Variants in CHD8 observed in about 807,000 individuals in gnomAD.
The protein encoded by CHD8 is ATP-dependent chromatin remodeler CHD8.
Under a neutral mutation model 279.2 loss-of-function variants are expected in CHD8, and 31 were observed. The observed-to-expected ratio is 0.11, with a 90% confidence interval of 0.08 to 0.15. The LOEUF (loss-of-function observed/expected upper bound fraction) is 0.15. Ranked by LOEUF, CHD8 falls within the 10% of genes least tolerant of loss-of-function variation. The pLI, the probability that CHD8 is intolerant of heterozygous loss-of-function variation, is 1.00. For missense variants in CHD8, 2,146 were observed against 3,230.5 expected, an observed-to-expected ratio of 0.66 and a Z score of 8.14; for synonymous variants, 1,081 against 1,139.6, an observed-to-expected ratio of 0.95 and a Z score of 1.04.
At chr14:21,413,221 T>C (rs973137302) in intron 9 of CHD8, among the ~76,000 whole-genome samples, 3 of 152,184 alleles carry the variant, frequency 2.0e-5, no homozygotes, top group Admixed American at 1.3e-4. Context: ...CTAACAGAGG[T>C]CCTTCTCTCC....
intron 11 of CHD8, 41 bp downstream of exon 11, chr14:21,409,810 T>A (rs756836934): frequency 3.2e-6 from 5 of 1,547,318 alleles, no homozygotes; most frequent in Non-Finnish European, 4.4e-6. Flanking sequence ...ATTTAATCAT[T>A]TCTTATGTAG....
intron 5 of CHD8, among the ~76,000 whole-genome samples, chr14:21,421,738 A>G (rs573749078): frequency 6.6e-6 from 1 of 152,242 alleles, no homozygotes; most frequent in South Asian, 2.1e-4. Context: ...CACCAAATCC[A>G]TATGTTGAAG....
At chr14:21,416,420 TA>T (rs1174769530) in intron 5 of CHD8, 2 of 152,304 alleles carry the variant, frequency 1.3e-5, no homozygotes, top group African/African-American at 4.8e-5. Flanking sequence ...GTGGCTGAAT[TA>T]AACATTTTCT....
chr14:21,436,736 A>T (rs1259418623), intron 1 of CHD8, among the ~76,000 whole-genome samples: 1 of 152,198 alleles, frequency 6.6e-6, no homozygotes, highest in Non-Finnish European at 1.5e-5. Context: ...GAAAAGCAAA[A>T]TAGGCAACTA....
chr14:21,391,237 A>G (rs557511820), intron 36 of CHD8, among the ~76,000 whole-genome samples, 174 bp from the exon 37 acceptor site: 2 of 152,378 alleles, frequency 1.3e-5, no homozygotes, highest in African/African-American at 2.4e-5. Flanking sequence ...GGTGGTTTAT[A>G]TAATAGTTCA....
intron 10 of CHD8, among the ~76,000 whole-genome samples, chr14:21,411,127 A>G (rs1001347537): frequency 1.5e-4 from 23 of 152,184 alleles, no homozygotes; most frequent in African/African-American, 5.3e-4. Context: ...CTAAAGGCCA[A>G]TTGCTTTTAG....
chr14:21,435,364 T>A (rs1889739039), intron 1 of CHD8, among the ~76,000 whole-genome samples: 1 of 152,194 alleles, frequency 6.6e-6, no homozygotes, highest in Non-Finnish European at 1.5e-5. Context: ...TCACTTCATC[T>A]CCTTCTTAAA....
At position 21,400,790 on chromosome 14, in the gene CHD8, C is replaced by T; in HGVS notation, c.4370+85G>A. On this transcript the variant is annotated intron_variant, in intron 22 of 37. Coordinates refer to ENST00000646647, the MANE Select transcript of CHD8 (RefSeq NM_001170629.2). This position sits in a 1 kb window ranked among gnomAD's most constrained non-coding sequence, Gnocchi z 4.2. ...CACATTATCCCTTCTTTGATCATAG[C>T]CCCCAATTTGAAAGGCAAACCAAGA... 1.4e-6 allele frequency: 2 copies of T among 1,386,582 alleles called. No individual in the cohort carries two copies. The highest frequency in any genetic ancestry group is 1.4e-5 in the South Asian group (1 of 71,650). The allele number at this position is 1,386,582 out of a possible 1,614,324, so 85.9% of individuals were successfully genotyped here.
intron 1 of CHD8, among the ~76,000 whole-genome samples, chr14:21,443,867 A>AC (rs1890048881): frequency 6.6e-6 from 1 of 151,646 alleles, no homozygotes; most frequent in Admixed American, 6.6e-5. Flanking sequence ...AAAAAAAAAA[A>AC]AAAAAAAAAA....
chr14:21,451,518 G>A (rs1890254639), intron 1 of CHD8, among the ~76,000 whole-genome samples: 2 of 138,932 alleles, frequency 1.4e-5, no homozygotes, highest in Non-Finnish European at 3.0e-5. Flanking sequence ...GTTGTGCTGA[G>A]CCGAGATCGC....
chr14:21,393,831 C>T lies in CHD8; in HGVS notation c.5964G>A (p.Gln1988=), dbSNP rs1432577591. ...GTGGTGAGGCAGTGCGTGAGGTATA[C>T]TGCTGGTGCAGCAGTGGAGTAGAGC... is the stretch of plus-strand genomic sequence containing the variant. The part of the protein sequence containing the change: ...SRCSTPLLHQ[Q]YTSRTASPLP... Residue 1988 remains glutamine, a synonymous_variant, in exon 32 of 38, where the codon CAG becomes CAA. Transcript: ENST00000646647. 1 of 1,614,010 alleles carries T rather than the reference C, an allele frequency of 6.2e-7. No individual in the cohort carries two copies. The highest frequency in any genetic ancestry group is 1.7e-5 in the Admixed American group (1 of 60,020).
At chr14:21,435,096 G>A (rs777892595) in intron 1 of CHD8, among the ~76,000 whole-genome samples, 3 of 152,160 alleles carry the variant, frequency 2.0e-5, no homozygotes, top group Non-Finnish European at 2.9e-5. Context: ...GTCCCCAAAA[G>A]AGAAACACAT....
chr14:21,427,285 C>G (rs547186486), intron 4 of CHD8: 52 of 340,054 alleles, frequency 1.5e-4, no homozygotes, highest in African/African-American at 1.1e-3. Flanking sequence ...CTTGAGCTTG[C>G]TCTTGCCCGT....
chr14:21,446,550 A>G (rs1890126457), intron 1 of CHD8, among the ~76,000 whole-genome samples: 2 of 152,206 alleles, frequency 1.3e-5, no homozygotes, highest in Admixed American at 1.3e-4. Flanking sequence ...GCCTCAAGTG[A>G]TCGGCCTGCC....
chr14:21,408,627 G>C lies in CHD8; in HGVS notation c.2487-72C>G. 3 of 1,566,242 alleles carry C rather than the reference G, an allele frequency of 1.9e-6. No individual in the cohort carries two copies. The highest frequency in any genetic ancestry group is 2.6e-6 in the Non-Finnish European group (3 of 1,156,796). ...TTAAAAAAAATAGAGTATGTAGGAAGAAATTGTTTCAATAGAAAACAAATA... is the reference window on the plus strand; with the variant it reads ...TTAAAAAAAATAGAGTATGTAGGAACAAATTGTTTCAATAGAAAACAAATA... On this transcript the variant is annotated intron_variant, in intron 12 of 37. Transcript: ENST00000646647. This position sits in a 1 kb window ranked among gnomAD's most constrained non-coding sequence, Gnocchi z 4.3.
At chr14:21,442,428 G>A (rs959801439) in intron 1 of CHD8, among the ~76,000 whole-genome samples, 7 of 151,958 alleles carry the variant, frequency 4.6e-5, no homozygotes, top group Non-Finnish European at 8.8e-5. Context: ...CTGTGCCACT[G>A]TACTTTAGCC....
intron 1 of CHD8, among the ~76,000 whole-genome samples, chr14:21,434,129 T>C (rs1889677940): frequency 6.9e-6 from 1 of 144,006 alleles, no homozygotes; most frequent in Non-Finnish European, 1.5e-5. Context: ...CACCGCAACC[T>C]CTACCTCCTG....
intron 37 of CHD8, among the ~76,000 whole-genome samples, chr14:21,389,189 A>T (rs949130306): frequency 6.6e-6 from 1 of 151,892 alleles, no homozygotes; most frequent in Non-Finnish European, 1.5e-5. Flanking sequence ...AATCCCAGCT[A>T]CTCGGGAGGC....
Position 21,428,238 on chromosome 14 carries a change from C to T in CHD8, c.1232G>A (p.Gly411Glu), listed in dbSNP as rs1226376096. 1 of 1,613,768 alleles carries T rather than the reference C, an allele frequency of 6.2e-7. No homozygotes were observed. The highest frequency in any genetic ancestry group is 8.5e-7 in the Non-Finnish European group (1 of 1,179,770). ...AACTACAGAGAGCCCAGAAGAGGCC[C>T]CTTGGGAAGAGCCAGCCTATAGAAA... ...VLQPQAGSSQ[G>E]ASSGLSVVKV... is the part of the protein sequence containing the mutation. The change falls in exon 4 of 38, where the codon GGG becomes GAG. Residue 411 changes from glycine (G) to glutamate (E), a missense_variant. Gly to Glu is a moderately conservative substitution (Grantham distance 98). Transcript: ENST00000646647.
Sources: allele counts gnomAD v4.1 joint callset (sites outside exome capture counted in the v4.1 genomes callset), GRCh38; gene constraint gnomAD v4.1.1; non-coding constraint Gnocchi (gnomAD v3.1); transcripts MANE v1.5; gene names NCBI Gene and HGNC (gene_info 2026-07-23, HGNC 2026-07-21).